The following CHD9 variants were observed in gnomAD, a reference collection of about 807,000 sequenced individuals.
CHD9 encodes the protein ATP-dependent chromatin remodeler CHD9.
In CHD9, 77 loss-of-function variants were observed where a neutral mutation model predicts 316.1. That is an observed-to-expected ratio of 0.24 (90% confidence interval 0.20 to 0.29). The LOEUF is 0.29. Ranked by LOEUF, CHD9 falls within the 10% of genes least tolerant of loss-of-function variation. The probability of loss-of-function intolerance (pLI) is 1.00; values close to 1 mark genes in which losing one functional copy is unlikely to be tolerated. For missense variants in CHD9, 2,763 were observed against 3,438.1 expected, an observed-to-expected ratio of 0.80 and a Z score of 4.91; for synonymous variants, 1,129 against 1,158.3, an observed-to-expected ratio of 0.97 and a Z score of 0.51.
At chr16:53,302,254 G>A (rs1340904729) in intron 30 of CHD9, among the ~76,000 whole-genome samples, 3 of 152,070 alleles carry the variant, frequency 2.0e-5, no homozygotes, top group South Asian at 2.1e-4. Context: ...CCTGCAATCC[G>A]TAACAGGTTC....
At chr16:53,236,244 T>C (rs1452849137) in intron 11 of CHD9, among the ~76,000 whole-genome samples, 1 of 152,158 alleles carries the variant, frequency 6.6e-6, no homozygotes, top group Non-Finnish European at 1.5e-5. Flanking sequence ...ACCACTTTCT[T>C]GAAACCCTTT....
chr16:53,133,532 T>A (rs1479813081), intron 1 of CHD9, among the ~76,000 whole-genome samples: 1 of 152,162 alleles, frequency 6.6e-6, no homozygotes, highest in Admixed American at 6.5e-5. Context: ...ACTTTGTCAC[T>A]TAACTGTGTA....
At chr16:53,115,571 C>T (rs1044155486) in intron 1 of CHD9, among the ~76,000 whole-genome samples, 2 of 152,208 alleles carry the variant, frequency 1.3e-5, no homozygotes, top group Non-Finnish European at 2.9e-5. Context: ...TAAAGGCTTC[C>T]AGTGTCCTGT....
At chr16:53,287,847 C>T (rs986083950) in intron 26 of CHD9, 110 bp from the exon 27 acceptor site, 34 of 835,124 alleles carry the variant, frequency 4.1e-5, no homozygotes, top group African/African-American at 3.0e-4. Flanking sequence ...AGAGAAGAGA[C>T]GTCAGTCTGA....
chr16:53,191,374 G>C (rs1419660570), intron 2 of CHD9, among the ~76,000 whole-genome samples: 1 of 151,998 alleles, frequency 6.6e-6, no homozygotes, highest in Non-Finnish European at 1.5e-5. Flanking sequence ...ATACATATAA[G>C]TAGCTACACC....
chr16:53,226,127 A>G (rs1695930439), intron 4 of CHD9, among the ~76,000 whole-genome samples: 1 of 152,128 alleles, frequency 6.6e-6, no homozygotes, highest in Non-Finnish European at 1.5e-5. Context: ...ACATAATAAA[A>G]GTATTACTAA....
intron 1 of CHD9, among the ~76,000 whole-genome samples, chr16:53,070,796 C>T (rs1351457070): frequency 3.9e-5 from 6 of 151,992 alleles, no homozygotes; most frequent in South Asian, 4.2e-4. Context: ...TCAAGTGATC[C>T]GCCTGTCTTG....
At chr16:53,231,559 G>A (rs1053487501) in intron 9 of CHD9, 54 bp downstream of exon 9, 4 of 1,385,970 alleles carry the variant, frequency 2.9e-6, no homozygotes, top group Non-Finnish European at 4.0e-6. Context: ...AACTTTCCAA[G>A]TATTAAGACC....
intron 2 of CHD9, among the ~76,000 whole-genome samples, chr16:53,198,429 C>A (rs1012209580): frequency 1.1e-4 from 17 of 150,064 alleles, no homozygotes; most frequent in Non-Finnish European, 2.5e-4. Flanking sequence ...CGGGTTCAAG[C>A]GATTCCCCTG....
Position 53,314,707 on chromosome 16 carries a change from T to A in CHD9, c.7363-116T>A, listed in dbSNP as rs530177643. On this transcript the variant is annotated intron_variant, in intron 35 of 38. Transcript: ENST00000447540. ...GATAAAAATTTTAAGTTTAAAAGAT[T>A]TAGCAGAATTTTTAGCAACAACTTA... 10 of 1,058,214 alleles carry A rather than the reference T, an allele frequency of 9.4e-6. No individual in the cohort carries two copies. In the South Asian group the frequency reaches 1.4e-4, roughly 14 times the overall value. The allele number at this position is 1,058,214 out of a possible 1,614,324, so 65.6% of individuals were successfully genotyped here.
chr16:53,064,028 C>G (rs1239592108), intron 1 of CHD9, among the ~76,000 whole-genome samples: 3 of 150,928 alleles, frequency 2.0e-5, no homozygotes, highest in African/African-American at 7.3e-5. Flanking sequence ...AGAAACAGGT[C>G]TGGCTGTGTT....
chr16:53,215,959 T>G (rs1174768094), intron 3 of CHD9, among the ~76,000 whole-genome samples: 1 of 152,212 alleles, frequency 6.6e-6, no homozygotes, highest in Non-Finnish European at 1.5e-5. Context: ...GTCAGAAACA[T>G]CCTATGTTTT....
rs145704664 is a variant in CHD9, at chr16:53,216,007, T to C, written c.1784+6194T>C. On this transcript the variant is annotated intron_variant, in intron 3 of 38. Transcript: ENST00000447540. ...TTTTCCTTGCCTGAGTATCTGTTGCTACATTTTGCTAACATTGATAACAGA... is the reference window on the plus strand; with the variant it reads ...TTTTCCTTGCCTGAGTATCTGTTGCCACATTTTGCTAACATTGATAACAGA... 5.6e-4 allele frequency among the ~76,000 whole-genome samples: 85 copies of C among 152,340 alleles called. No homozygotes were observed. The East Asian group carries it at 0.013, about 23-fold the overall frequency.
chr16:53,142,811 A>G (rs1473379680), intron 1 of CHD9, among the ~76,000 whole-genome samples: 2 of 152,376 alleles, frequency 1.3e-5, no homozygotes, highest in Admixed American at 6.5e-5. Flanking sequence ...CTATAACAGA[A>G]TACCACAGAC....
intron 24 of CHD9, 146 bp downstream of exon 24, chr16:53,274,448 A>G: frequency 2.3e-6 from 1 of 431,680 alleles, no homozygotes; most frequent in Non-Finnish European, 4.1e-6. Flanking sequence ...TAAATGATAT[A>G]TTTATTTTAT....
intron 2 of CHD9, among the ~76,000 whole-genome samples, chr16:53,202,952 A>T (rs945611295): frequency 5.9e-5 from 9 of 152,202 alleles, no homozygotes; most frequent in Non-Finnish European, 1.2e-4. Flanking sequence ...GGTAAAATTC[A>T]GGAAAAGTTT....
intron 24 of CHD9, among the ~76,000 whole-genome samples, chr16:53,281,426 C>T (rs994855629): frequency 6.6e-6 from 1 of 152,148 alleles, no homozygotes; most frequent in African/African-American, 2.4e-5. Flanking sequence ...TCTGCCAAAT[C>T]CCTAGTCCAA....
intron 1 of CHD9, among the ~76,000 whole-genome samples, chr16:53,076,596 A>C (rs116776494): frequency 0.011 from 1,712 of 151,738 alleles, 34 homozygotes; most frequent in African/African-American, 0.033. Context: ...AAAAGCAAAG[A>C]AAAGAAAAAA....
At chr16:53,181,409 A>G (rs11860151) in intron 2 of CHD9, among the ~76,000 whole-genome samples, 5,112 of 152,232 alleles carry the variant, frequency 0.034, 287 homozygotes, top group African/African-American at 0.12. Flanking sequence ...AGGAACCGCA[A>G]TTACTATGGT....
Sources: gnomAD v4.1 joint callset for allele counts (sites outside exome capture counted in the v4.1 genomes callset) on GRCh38, gnomAD v4.1.1 for gene constraint, MANE v1.5 for transcripts, NCBI Gene and HGNC (gene_info 2026-07-23, HGNC 2026-07-21) for gene names.